Variants in C12orf42 observed in about 807,000 individuals in gnomAD.
The protein encoded by C12orf42 is uncharacterized protein C12orf42.
Under a neutral mutation model 21.6 loss-of-function variants are expected in C12orf42, and 25 were observed. That is an observed-to-expected ratio of 1.16 (90% CI 0.84 to 1.62). The LOEUF is 1.62. Ranked by LOEUF, C12orf42 falls within the 40% of genes most tolerant of loss-of-function variation. The pLI is 0.00. For synonymous variants in C12orf42, 174 were observed against 175.0 expected (o/e 0.99, Z 0.05); for missense variants, 483 against 459.3 (o/e 1.05, Z -0.47).
chr12:103,278,442 G>C (rs1367861041), intron 4 of C12orf42, among the ~76,000 whole-genome samples: 2 of 152,220 alleles, frequency 1.3e-5, no homozygotes, highest in African/African-American at 4.8e-5. Context: ...GATTTGTAGA[G>C]CTGGGGTCTG....
chr12:103,528,506 C>T, the C12orf42 span, among the ~76,000 whole-genome samples: 1 of 152,156 alleles, frequency 6.6e-6, no homozygotes, highest in Non-Finnish European at 1.5e-5. Flanking sequence ...TTAGTGCCCA[C>T]TCAGTGTGTG....
chr12:103,467,797 C>T (rs1183019947), intron 2 of C12orf42, among the ~76,000 whole-genome samples: 1 of 152,098 alleles, frequency 6.6e-6, no homozygotes, highest in Non-Finnish European at 1.5e-5. Context: ...ATTTGGGGAA[C>T]TTTCTGACAT....
the C12orf42 span, among the ~76,000 whole-genome samples, chr12:103,086,745 G>A: frequency 6.6e-6 from 1 of 151,840 alleles, no homozygotes; most frequent in Non-Finnish European, 1.5e-5. Context: ...TCATCAAAAC[G>A]GTGTTTTGTA....
chr12:103,430,728 G>A (rs1950202977), intron 2 of C12orf42, among the ~76,000 whole-genome samples: 1 of 152,164 alleles, frequency 6.6e-6, no homozygotes, highest in Admixed American at 6.5e-5. Flanking sequence ...ACCCATCAAT[G>A]ATAGACTGGA....
chr12:103,145,630 G>T, the C12orf42 span, among the ~76,000 whole-genome samples: 2 of 151,978 alleles, frequency 1.3e-5, no homozygotes, highest in South Asian at 2.1e-4. Flanking sequence ...CTAGAAATTT[G>T]CCATAAAGGG....
chr12:103,303,336 C>T (rs898280680), intron 5 of C12orf42, among the ~76,000 whole-genome samples: 2 of 151,702 alleles, frequency 1.3e-5, no homozygotes, highest in Admixed American at 1.3e-4. Flanking sequence ...CATATATAAA[C>T]TTCAAGATTT....
chr12:103,428,895 A>T (rs1279447029), intron 2 of C12orf42, among the ~76,000 whole-genome samples: 3 of 95,666 alleles, frequency 3.1e-5, no homozygotes, highest in Non-Finnish European at 5.2e-5. Flanking sequence ...AGATGCAGAC[A>T]AGGCCTTTAA....
At chr12:103,548,864 C>A in the C12orf42 span, 2 of 152,108 alleles carry the variant, frequency 1.3e-5, no homozygotes, top group East Asian at 1.9e-4. Context: ...GTGGGGAGAA[C>A]CAGTTTGGAC....
chr12:103,328,452 A>G (rs560955838), intron 4 of C12orf42, among the ~76,000 whole-genome samples: 4 of 152,300 alleles, frequency 2.6e-5, no homozygotes, highest in South Asian at 2.1e-4. Flanking sequence ...TCCAAATTCA[A>G]TCTATGTCAG....
intron 4 of C12orf42, among the ~76,000 whole-genome samples, chr12:103,308,404 G>A (rs1566051194): frequency 6.6e-6 from 1 of 152,132 alleles, no homozygotes; most frequent in Admixed American, 6.6e-5. Flanking sequence ...CAAATTTTAT[G>A]CACTCAATAT....
At chr12:103,051,045 G>T in the C12orf42 span, among the ~76,000 whole-genome samples, 3 of 152,016 alleles carry the variant, frequency 2.0e-5, no homozygotes, top group African/African-American at 7.2e-5. Context: ...GATTTGAAAA[G>T]AACAATTTTC....
the C12orf42 span, among the ~76,000 whole-genome samples, chr12:103,195,898 C>A: frequency 6.6e-6 from 1 of 151,972 alleles, no homozygotes; most frequent in Non-Finnish European, 1.5e-5. Context: ...GAATTTGCCT[C>A]TGGGGTTTTC....
chr12:103,508,178 G>A, the C12orf42 span, among the ~76,000 whole-genome samples: 16 of 151,944 alleles, frequency 1.1e-4, no homozygotes, highest in Non-Finnish European at 2.1e-4. Context: ...AGTTTACTGG[G>A]GTATAAAGTA....
At chr12:103,112,221 G>C in the C12orf42 span, among the ~76,000 whole-genome samples, 1 of 152,188 alleles carries the variant, frequency 6.6e-6, no homozygotes, top group African/African-American at 2.4e-5. Context: ...ATGCAATCTT[G>C]GGACTTGAAG....
Position 103,294,343 on chromosome 12 carries a change from C to T in C12orf42, n.338-17133G>A, listed in dbSNP as rs12310412. On this transcript the variant is annotated intron_variant and non_coding_transcript_variant, in intron 4 of 6. Coordinates refer to the C12orf42 transcript ENST00000546526. ...GTATGGAAGAAGCAGTAGTGGGAAG[C>T]CTAAACATGGCAGAAAAAAAAAAGA... is the stretch of plus-strand genomic sequence containing the variant. 4.4e-3 allele frequency among the ~76,000 whole-genome samples: 596 copies of T among 134,264 alleles called. 3 individuals are homozygous for T. Among genetic ancestry groups the T allele is most frequent in the African/African-American group, 0.014 (493 of 35,472 alleles). 88.1% of individuals were successfully genotyped at this position (134,264 alleles called of 152,430 possible).
the C12orf42 span, among the ~76,000 whole-genome samples, chr12:103,060,381 G>A: frequency 1.4e-4 from 22 of 152,202 alleles, no homozygotes; most frequent in Admixed American, 7.2e-4. Flanking sequence ...AATCAATATC[G>A]TGAAAATGGC....
chr12:103,467,651 A>G (rs1396588060), intron 2 of C12orf42, among the ~76,000 whole-genome samples: 3 of 152,176 alleles, frequency 2.0e-5, no homozygotes, highest in African/African-American at 7.2e-5. Context: ...TATCAAGAGG[A>G]CTTTAGAGGA....
chr12:103,315,874 CA>C (rs150066341), intron 4 of C12orf42, among the ~76,000 whole-genome samples: 4 of 151,592 alleles, frequency 2.6e-5, no homozygotes, highest in African/African-American at 9.7e-5. Flanking sequence ...GGTTTTACCA[CA>C]AAAAATGATA....
chr12:103,296,594 G>A (rs904157119), intron 4 of C12orf42, among the ~76,000 whole-genome samples: 1 of 152,120 alleles, frequency 6.6e-6, no homozygotes, highest in African/African-American at 2.4e-5. Context: ...GTTTTGATTT[G>A]CATTTCTCTG....
Sources: gnomAD v4.1 joint callset for allele counts (sites outside exome capture counted in the v4.1 genomes callset) on GRCh38, gnomAD v4.1.1 for gene constraint, MANE v1.5 for transcripts, NCBI Gene and HGNC (gene_info 2026-07-23, HGNC 2026-07-21) for gene names.